LNPK: variants seen among roughly 807,000 people sequenced by gnomAD.
LNPK encodes the protein endoplasmic reticulum junction formation protein lunapark.
In LNPK, 29 loss-of-function variants were observed where a neutral mutation model predicts 55.2. That is an observed-to-expected ratio of 0.53 (90% CI 0.39 to 0.72). LNPK has a LOEUF of 0.72. Ranked by LOEUF, LNPK falls within the 30% of genes least tolerant of loss-of-function variation. The probability of loss-of-function intolerance (pLI) is 0.00; values close to 1 mark genes in which losing one functional copy is unlikely to be tolerated. For synonymous variants in LNPK, 162 were observed against 168.2 expected, an observed-to-expected ratio of 0.96 and a Z score of 0.29; for missense variants, 467 against 494.8, an observed-to-expected ratio of 0.94 and a Z score of 0.53.
intron 8 of LNPK, among the ~76,000 whole-genome samples, chr2:175,957,402 T>G (rs2105598966): frequency 6.6e-6 from 1 of 151,918 alleles, no homozygotes; most frequent in African/African-American, 2.4e-5. Context: ...CACCTACCTA[T>G]GTCTTCCCAT....
Position 175,927,717 on chromosome 2 carries a change from A to T in LNPK, c.*2250T>A, listed in dbSNP as rs1684073448. On this transcript the variant is annotated 3_prime_UTR_variant, in exon 13 of 13. Coordinates refer to ENST00000272748, the MANE Select transcript of LNPK (RefSeq NM_030650.3). ...GGTACTTAATAGCTTGGATTTTCTCATTTATACTAGTCTTAATAATCAGAA... is the reference window on the plus strand; with the variant it reads ...GGTACTTAATAGCTTGGATTTTCTCTTTTATACTAGTCTTAATAATCAGAA... The T allele has an allele frequency of 6.6e-6, 1 of 151,960 alleles. No homozygotes were observed. Among genetic ancestry groups the T allele is most frequent in the Admixed American group, 6.6e-5 (1 of 15,246 alleles). 9.4% of individuals were successfully genotyped at this position (151,960 alleles called of 1,614,324 possible).
intron 8 of LNPK, 94 bp downstream of exon 8, chr2:175,964,278 A>G (rs1389824705): frequency 8.1e-5 from 73 of 905,486 alleles, no homozygotes; most frequent in Admixed American, 3.5e-4. Context: ...AGCATTCTAC[A>G]TAAGTTTTTG....
intron 2 of LNPK, among the ~76,000 whole-genome samples, chr2:175,993,685 C>T (rs1041043450): frequency 6.6e-6 from 1 of 151,996 alleles, no homozygotes; most frequent in Admixed American, 6.6e-5. Context: ...CCCAGCTACT[C>T]AGGAGGCTGA....
intron 9 of LNPK, among the ~76,000 whole-genome samples, chr2:175,946,983 A>G (rs746661672): frequency 6.6e-6 from 1 of 152,192 alleles, no homozygotes; most frequent in Non-Finnish European, 1.5e-5. Context: ...TAAAATATCT[A>G]TCAGAAAATA....
chr2:175,972,100 C>T (rs373429079), intron 5 of LNPK, among the ~76,000 whole-genome samples: 5 of 151,976 alleles, frequency 3.3e-5, no homozygotes, highest in South Asian at 4.1e-4. Flanking sequence ...ATTTTTAGTA[C>T]GGACAGGGTT....
chr2:175,979,984 T>C, intron 4 of LNPK, 116 bp from the exon 5 acceptor site: 2 of 947,822 alleles, frequency 2.1e-6, no homozygotes, highest in South Asian at 2.2e-5. Flanking sequence ...TTTCCCTTTA[T>C]ATACAGAAAA....
At chr2:175,961,488 G>A (rs545221371) in intron 8 of LNPK, among the ~76,000 whole-genome samples, 8 of 152,226 alleles carry the variant, frequency 5.3e-5, no homozygotes, top group African/African-American at 9.6e-5. Flanking sequence ...AAAGGCCTTC[G>A]ACAAAATTCA....
chr2:175,986,615 A>G (rs760636909), intron 4 of LNPK, among the ~76,000 whole-genome samples: 2 of 151,990 alleles, frequency 1.3e-5, no homozygotes, highest in Admixed American at 6.5e-5. Context: ...GAAAGCAGAA[A>G]TTTTTCCTGG....
chr2:175,956,494 T>C (rs1320939368), intron 8 of LNPK, among the ~76,000 whole-genome samples: 1 of 152,158 alleles, frequency 6.6e-6, no homozygotes, highest in Non-Finnish European at 1.5e-5. Flanking sequence ...CCATTAATTA[T>C]TAATAGGTCA....
At chr2:175,947,369 T>C in intron 9 of LNPK, 111 bp downstream of exon 9, 1 of 815,958 alleles carries the variant, frequency 1.2e-6, no homozygotes, top group Non-Finnish European at 2.0e-6. Flanking sequence ...AGATAACTGC[T>C]CTGCTATTTC....
chr2:175,961,930 T>C (rs1454659300), intron 8 of LNPK, among the ~76,000 whole-genome samples: 1 of 152,042 alleles, frequency 6.6e-6, no homozygotes, highest in Admixed American at 6.6e-5. Context: ...GAGAACCAAA[T>C]CATGAGTGAA....
At chr2:175,932,648 T>A (rs886774373) in intron 12 of LNPK, among the ~76,000 whole-genome samples, 1 of 152,204 alleles carries the variant, frequency 6.6e-6, no homozygotes, top group Non-Finnish European at 1.5e-5. Context: ...TGCCATTTTG[T>A]AAGAAGTCAT....
chr2:175,936,200 C>T (rs1310171227), intron 12 of LNPK, among the ~76,000 whole-genome samples: 1 of 152,106 alleles, frequency 6.6e-6, no homozygotes. Context: ...TGGAAGAATA[C>T]AGGCCTCTGT....
chr2:175,969,931 T>C (rs1686574561), intron 6 of LNPK, among the ~76,000 whole-genome samples: 1 of 152,186 alleles, frequency 6.6e-6, no homozygotes, highest in Non-Finnish European at 1.5e-5. Flanking sequence ...ATTCACAGAA[T>C]AATTTTTAAC....
chr2:175,969,450 G>C (rs190701025), intron 6 of LNPK, among the ~76,000 whole-genome samples: 88 of 152,238 alleles, frequency 5.8e-4, no homozygotes, highest in African/African-American at 1.9e-3. Flanking sequence ...TGTTCTTCAA[G>C]ATCCTGTTTT....
intron 9 of LNPK, among the ~76,000 whole-genome samples, chr2:175,946,395 T>C (rs1367654310): frequency 6.6e-6 from 1 of 152,158 alleles, no homozygotes; most frequent in East Asian, 1.9e-4. Context: ...TCATAAAATA[T>C]ATGGCTGCCT....
intron 8 of LNPK, among the ~76,000 whole-genome samples, chr2:175,958,358 G>T (rs185723770): frequency 3.9e-5 from 6 of 152,148 alleles, no homozygotes; most frequent in African/African-American, 1.4e-4. Context: ...GGGACGAAGC[G>T]TCCACAGGAA....
chr2:175,946,632 A>G (rs1685134958), intron 9 of LNPK, among the ~76,000 whole-genome samples: 2 of 152,146 alleles, frequency 1.3e-5, no homozygotes, highest in African/African-American at 4.8e-5. Context: ...TACTACACAA[A>G]TACTCTGATT....
At position 175,964,359 on chromosome 2, in the gene LNPK, C is replaced by T. The variant is rs781701555; in HGVS notation, c.493+13G>A. 1.2e-6 allele frequency: 2 copies of T among 1,609,690 alleles called. No homozygotes were observed. Among genetic ancestry groups the T allele is most frequent in the South Asian group, 2.2e-5 (2 of 90,782 alleles). ...TTTCCAACAGCAGCAGCAGTTTCTA[C>T]TAAGTTATTTACCTTGTCCAGGTCT... On this transcript the variant is annotated intron_variant, in intron 8 of 12. Coordinates refer to ENST00000272748, the MANE Select transcript of LNPK (RefSeq NM_030650.3).
Sources: gnomAD v4.1 joint callset for allele counts (sites outside exome capture counted in the v4.1 genomes callset) on GRCh38, gnomAD v4.1.1 for gene constraint, MANE v1.5 for transcripts, NCBI Gene and HGNC (gene_info 2026-07-23, HGNC 2026-07-21) for gene names.